The following CNKSR2 variants were observed in gnomAD, a reference collection of about 807,000 sequenced individuals.
The protein encoded by CNKSR2 is connector enhancer of kinase suppressor of Ras 2.
In CNKSR2, 14 loss-of-function variants were observed where a neutral mutation model predicts 84.4. That is an observed-to-expected ratio of 0.17 (90% CI 0.11 to 0.26). The LOEUF (loss-of-function observed/expected upper bound fraction) is 0.26, where lower values mean the gene tolerates loss of function less well. Among genes scored for constraint, CNKSR2 ranks in the 10% least tolerant of loss-of-function variants. The probability of loss-of-function intolerance (pLI) is 1.00; values close to 1 mark genes in which losing one functional copy is unlikely to be tolerated. For synonymous variants in CNKSR2, 275 were observed against 277.9 expected (o/e 0.99, Z 0.10); for missense variants, 485 against 771.2 (o/e 0.63, Z 4.40).
intron 20 of CNKSR2, among the ~76,000 whole-genome samples, chrX:21,631,325 A>G (rs2092647196): frequency 8.9e-6 from 1 of 111,799 alleles, no homozygotes; most frequent in Non-Finnish European, 1.9e-5. Context: ...TCTCTAAATA[A>G]ATAAATAAAT....
chrX:21,454,048 A>G (rs1051722161), intron 4 of CNKSR2, among the ~76,000 whole-genome samples: 2 of 111,712 alleles, frequency 1.8e-5, no homozygotes, highest in Non-Finnish European at 3.8e-5. Flanking sequence ...GCCTTTCCAC[A>G]TATTTGTTTT....
intron 7 of CNKSR2, among the ~76,000 whole-genome samples, chrX:21,500,168 A>G (rs2091544712): frequency 9.0e-6 from 1 of 110,918 alleles, no homozygotes; most frequent in Non-Finnish European, 1.9e-5. Flanking sequence ...AGATTGATCT[A>G]TCCCCTTAAT....
intron 4 of CNKSR2, among the ~76,000 whole-genome samples, chrX:21,461,544 A>G (rs2091061948): frequency 9.0e-6 from 1 of 111,444 alleles, no homozygotes; most frequent in Admixed American, 9.5e-5. Context: ...ACTTGATGTG[A>G]TCCCATTTGT....
intron 11 of CNKSR2, chrX:21,538,492 G>T (rs1263981585): frequency 8.9e-6 from 1 of 111,815 alleles, no homozygotes; most frequent in Non-Finnish European, 1.9e-5. Context: ...TGCAAAACTT[G>T]GGAAGTTTTT....
intron 20 of CNKSR2, among the ~76,000 whole-genome samples, chrX:21,634,793 A>G (rs1220389598): frequency 9.3e-6 from 1 of 107,905 alleles, no homozygotes; most frequent in Non-Finnish European, 1.9e-5. Context: ...AGGATAGAAT[A>G]TGAATTTAAT....
At chrX:21,601,261 T>C in intron 17 of CNKSR2, 21 bp from the exon 18 acceptor site, 1 of 1,014,217 alleles carries the variant, frequency 9.9e-7, no homozygotes, top group Non-Finnish European at 1.4e-6. Flanking sequence ...ATGTTATTGA[T>C]TTTAATATTT....
chrX:21,613,264 C>T (rs781702417), intron 20 of CNKSR2, among the ~76,000 whole-genome samples: 2 of 112,264 alleles, frequency 1.8e-5, no homozygotes, highest in Non-Finnish European at 3.8e-5. Flanking sequence ...GTTAATACAG[C>T]TTGAAGTCAG....
intron 1 of CNKSR2, among the ~76,000 whole-genome samples, chrX:21,388,352 G>C (rs900938609): frequency 8.9e-6 from 1 of 112,327 alleles, no homozygotes. Flanking sequence ...TAATGGACCA[G>C]ACTCATTTGA....
intron 4 of CNKSR2, among the ~76,000 whole-genome samples, chrX:21,467,997 A>T (rs1354845394): frequency 9.0e-6 from 1 of 111,362 alleles, no homozygotes; most frequent in Non-Finnish European, 1.9e-5. Context: ...AAATATATTA[A>T]TATCTTAAAA....
chrX:21,473,922 G>T (rs2091231523), intron 5 of CNKSR2, among the ~76,000 whole-genome samples: 1 of 106,457 alleles, frequency 9.4e-6, no homozygotes, highest in East Asian at 2.9e-4. Context: ...AATTTTTTTT[G>T]TATTTTTTAG....
At chrX:21,498,252 G>T (rs2147060136) in intron 7 of CNKSR2, among the ~76,000 whole-genome samples, 1 of 111,864 alleles carries the variant, frequency 8.9e-6, no homozygotes, top group East Asian at 2.8e-4. Flanking sequence ...CAGTGGAAGG[G>T]CAGCATGGTA....
intron 20 of CNKSR2, among the ~76,000 whole-genome samples, chrX:21,637,658 T>C (rs1197020816): frequency 9.0e-6 from 1 of 111,590 alleles, no homozygotes; most frequent in African/African-American, 3.2e-5. Flanking sequence ...AGTCTCTGTT[T>C]TGGTCTGAAC....
chrX:21,392,320 C>T (rs1045475765), intron 1 of CNKSR2, among the ~76,000 whole-genome samples: 1 of 111,765 alleles, frequency 8.9e-6, no homozygotes, highest in Non-Finnish European at 1.9e-5. Context: ...TCCGTTCTCA[C>T]GTTGCTAGTA....
rs201896242 is a variant in CNKSR2, at chrX:21,585,447, TACATTC to T, written c.1609-5123_1609-5118del. On this transcript the variant is annotated intron_variant, in intron 13 of 21. Coordinates refer to ENST00000379510, the MANE Select transcript of CNKSR2 (RefSeq NM_014927.5). ...TGGTGAGAAAAAGTCATATTATAAA[TACATTC>T]ATTGTGAAAACAAAGCTGGTAAAAC... is the stretch of plus-strand genomic sequence containing the variant. Among the ~76,000 whole-genome samples, 1,002 of 108,566 alleles carry T rather than the reference TACATTC, an allele frequency of 9.2e-3. 6 individuals carry two copies. The highest frequency in any genetic ancestry group is 0.015 in the Non-Finnish European group (784 of 52,423). 94.3% of individuals were successfully genotyped at this position (108,566 alleles called of 115,157 possible). A position where few individuals can be genotyped will look rare whatever the true frequency, so the allele number is the denominator to read the frequency against.
intron 13 of CNKSR2, among the ~76,000 whole-genome samples, chrX:21,588,200 C>T (rs1029502452): frequency 8.9e-6 from 1 of 111,890 alleles, no homozygotes; most frequent in African/African-American, 3.2e-5. Context: ...TAATCAGTGC[C>T]CCATGTGGGC....
intron 20 of CNKSR2, among the ~76,000 whole-genome samples, chrX:21,624,524 T>G (rs1396664033): frequency 8.9e-6 from 1 of 112,007 alleles, no homozygotes; most frequent in Non-Finnish European, 1.9e-5. Context: ...TTTTGTTTTT[T>G]TTTGAGACGG....
intron 13 of CNKSR2, among the ~76,000 whole-genome samples, chrX:21,579,738 T>A (rs931418332): frequency 9.0e-6 from 1 of 111,561 alleles, no homozygotes; most frequent in Admixed American, 9.6e-5. Flanking sequence ...TATGTAAAGA[T>A]CTGATTCAGT....
intron 11 of CNKSR2, among the ~76,000 whole-genome samples, chrX:21,551,664 A>G (rs2092093805): frequency 8.9e-6 from 1 of 111,915 alleles, no homozygotes; most frequent in Admixed American, 9.5e-5. Context: ...TTTGTGGTGG[A>G]AAGTTGCTAC....
At chrX:21,576,456 C>G (rs1050783892) in intron 13 of CNKSR2, among the ~76,000 whole-genome samples, 3 of 110,909 alleles carry the variant, frequency 2.7e-5, no homozygotes, top group Non-Finnish European at 5.7e-5. Context: ...GCCCCTACCT[C>G]AAGAAATTAG....
Sources: gnomAD v4.1 joint callset for allele counts (sites outside exome capture counted in the v4.1 genomes callset) on GRCh38, gnomAD v4.1.1 for gene constraint, MANE v1.5 for transcripts, NCBI Gene and HGNC (gene_info 2026-07-23, HGNC 2026-07-21) for gene names.